SLC9A9: variants seen among roughly 807,000 people sequenced by gnomAD.
SLC9A9 encodes solute carrier family 9 member A9.
A neutral mutation model predicts 77.8 loss-of-function variants in SLC9A9; 62 were observed. The observed-to-expected ratio is 0.80, with a 90% CI of 0.65 to 0.98. SLC9A9 has a LOEUF of 0.98. Among genes scored for constraint, SLC9A9 ranks in the 50% least tolerant of loss-of-function variants. The probability of loss-of-function intolerance (pLI) is 0.00; values close to 1 mark genes in which losing one functional copy is unlikely to be tolerated. For synonymous variants in SLC9A9, 320 were observed against 283.5 expected, an observed-to-expected ratio of 1.13 and a Z score of -1.29; for missense variants, 775 against 774.9, an observed-to-expected ratio of 1.00 and a Z score of 0.00.
At chr3:143,655,667 T>A in intron 5 of SLC9A9, 26 of 959,104 alleles carry the variant, frequency 2.7e-5, no homozygotes, top group Non-Finnish European at 3.2e-5. Context: ...CTCAAGGAGA[T>A]GAACATGCAC....
At chr3:143,338,384 C>T (rs1488329415) in intron 14 of SLC9A9, among the ~76,000 whole-genome samples, 2 of 152,084 alleles carry the variant, frequency 1.3e-5, no homozygotes, top group Non-Finnish European at 2.9e-5. Context: ...AAAATCCTGA[C>T]AAGCAGACAG....
chr3:143,455,750 A>G (rs1472867377), intron 12 of SLC9A9, among the ~76,000 whole-genome samples: 1 of 150,776 alleles, frequency 6.6e-6, no homozygotes, highest in Non-Finnish European at 1.5e-5. Context: ...TTGATTTTTG[A>G]GTACTGACCA....
At chr3:143,387,124 A>G (rs545101930) in intron 12 of SLC9A9, among the ~76,000 whole-genome samples, 31 of 152,314 alleles carry the variant, frequency 2.0e-4, no homozygotes, top group African/African-American at 6.7e-4. Flanking sequence ...TACAGGTGTG[A>G]GCCACTGTGC....
At chr3:143,783,247 C>G (rs2108848905) in intron 4 of SLC9A9, among the ~76,000 whole-genome samples, 1 of 152,188 alleles carries the variant, frequency 6.6e-6, no homozygotes, top group Middle Eastern at 3.4e-3. Flanking sequence ...TGTCATTGCC[C>G]TCCATTCCAT....
chr3:143,452,697 T>A (rs1373420493), intron 12 of SLC9A9, among the ~76,000 whole-genome samples: 1 of 149,376 alleles, frequency 6.7e-6, no homozygotes, highest in African/African-American at 2.5e-5. Flanking sequence ...TATTTCTAGG[T>A]GCAATGACGG....
chr3:143,839,471 C>T (rs919978109), intron 1 of SLC9A9, among the ~76,000 whole-genome samples: 5 of 150,804 alleles, frequency 3.3e-5, no homozygotes, highest in Non-Finnish European at 7.4e-5. Flanking sequence ...TGTCCACAAT[C>T]CATCCTTGGT....
At chr3:143,650,496 G>C (rs1311683923) in intron 6 of SLC9A9, among the ~76,000 whole-genome samples, 6 of 152,206 alleles carry the variant, frequency 3.9e-5, no homozygotes, top group African/African-American at 1.4e-4. Flanking sequence ...AGCACTGGTA[G>C]ACAGCCTGGA....
At chr3:143,580,170 C>T (rs574295635) in intron 6 of SLC9A9, among the ~76,000 whole-genome samples, 4 of 152,280 alleles carry the variant, frequency 2.6e-5, no homozygotes, top group African/African-American at 7.2e-5. Flanking sequence ...TATAAAACTC[C>T]ACTGGTTGTT....
chr3:143,467,274 C>T (rs2035298133), intron 11 of SLC9A9, 84 bp from the exon 12 acceptor site: 1 of 1,505,110 alleles, frequency 6.6e-7, no homozygotes, highest in Non-Finnish European at 9.1e-7. Flanking sequence ...AATTTGCTGA[C>T]ACAATTTTTT....
At chr3:143,735,558 CTGAA>C (rs1232459740) in intron 4 of SLC9A9, among the ~76,000 whole-genome samples, 2 of 152,040 alleles carry the variant, frequency 1.3e-5, no homozygotes, top group Non-Finnish European at 2.9e-5. Context: ...TCAGGAACTG[CTGAA>C]TGAATGAATG....
intron 6 of SLC9A9, among the ~76,000 whole-genome samples, chr3:143,596,903 C>T (rs1039484581): frequency 2.0e-5 from 3 of 152,306 alleles, no homozygotes; most frequent in Middle Eastern, 3.4e-3. Context: ...CTCAAGCAGT[C>T]CTCCTGCCTT....
chr3:143,668,481 C>T (rs1021755215), intron 5 of SLC9A9, among the ~76,000 whole-genome samples: 2 of 151,762 alleles, frequency 1.3e-5, no homozygotes, highest in South Asian at 2.1e-4. Flanking sequence ...AGTATAATAA[C>T]AAAAAAAGTA....
rs148376896 is a variant in SLC9A9 at position 143,603,106 on chromosome 3, A to G, written c.756-24383T>C. ...TGCACCTTTTCATACCATTTGGTCC[A>G]GGTACATTTGTCTCCTGGGATTGGA... On this transcript the variant is annotated intron_variant, in intron 6 of 15. Coordinates refer to ENST00000316549, the MANE Select transcript of SLC9A9 (RefSeq NM_173653.4). Among the ~76,000 whole-genome samples the G allele has an allele frequency of 1.1e-3, 168 of 152,382 alleles. 1 individual carries two copies. Among genetic ancestry groups the G allele is most frequent in the African/African-American group, 3.9e-3 (164 of 41,592 alleles).
rs373202846 is a variant in SLC9A9 at position 143,832,223 on chromosome 3, TA to T, written c.176-3del. ...GTAAAATTAGTCCCATTATAAGGCC[TA>T]AAAAAAAAAGAATAAATAATGGTAC... On this transcript the variant is annotated splice_polypyrimidine_tract_variant and splice_region_variant and intron_variant, in intron 1 of 15. Transcript: ENST00000316549. The T allele has an allele frequency of 2.8e-3, 3,834 of 1,369,168 alleles. No individual in the cohort carries two copies. Among genetic ancestry groups the T allele is most frequent in the South Asian group, 3.9e-3 (292 of 75,838 alleles). The allele number at this position is 1,369,168 out of a possible 1,614,324, so 84.8% of individuals were successfully genotyped here. A position where few individuals can be genotyped will look rare whatever the true frequency, so the allele number is the denominator to read the frequency against.
intron 14 of SLC9A9, among the ~76,000 whole-genome samples, chr3:143,359,168 C>T (rs1049519712): frequency 3.3e-5 from 5 of 152,138 alleles, no homozygotes; most frequent in African/African-American, 1.2e-4. Context: ...TGAAGGTGCC[C>T]TGGATAGAAA....
At chr3:143,285,319 G>C (rs1449160405) in intron 14 of SLC9A9, among the ~76,000 whole-genome samples, 2 of 152,100 alleles carry the variant, frequency 1.3e-5, no homozygotes, top group Non-Finnish European at 2.9e-5. Flanking sequence ...TATTAATGGT[G>C]TCTGGCATTT....
At chr3:143,752,469 G>A (rs1235164728) in intron 4 of SLC9A9, among the ~76,000 whole-genome samples, 1 of 152,160 alleles carries the variant, frequency 6.6e-6, no homozygotes, top group Non-Finnish European at 1.5e-5. Context: ...AAAAAGCATA[G>A]CGGCCTCCAT....
At chr3:143,512,048 T>C (rs1003632185) in intron 9 of SLC9A9, among the ~76,000 whole-genome samples, 7 of 152,236 alleles carry the variant, frequency 4.6e-5, no homozygotes, top group Non-Finnish European at 1.0e-4. Flanking sequence ...AAAACTTGTC[T>C]GTAAGCTCAG....
chr3:143,548,487 G>A (rs1057092323), intron 9 of SLC9A9, among the ~76,000 whole-genome samples: 3 of 152,204 alleles, frequency 2.0e-5, no homozygotes, highest in Admixed American at 2.0e-4. Context: ...AAAGAGACAG[G>A]GCTTACAGTA....
Sources: allele counts gnomAD v4.1 joint callset (sites outside exome capture counted in the v4.1 genomes callset), GRCh38; gene constraint gnomAD v4.1.1; transcripts MANE v1.5; gene names NCBI Gene and HGNC (gene_info 2026-07-23, HGNC 2026-07-21).